The following TINAG variants were observed in gnomAD, a reference collection of about 807,000 sequenced individuals.
TINAG encodes tubulointerstitial nephritis antigen.
A neutral mutation model predicts 72.7 loss-of-function variants in TINAG; 83 were observed. That is an observed-to-expected ratio of 1.14 (90% CI 0.96 to 1.37). The LOEUF is 1.37. Among genes scored for constraint, TINAG ranks in the 40% most tolerant of loss-of-function variants. TINAG has a pLI of 0.00. For missense variants in TINAG, 685 were observed against 576.6 expected (o/e 1.19, Z -1.93); for synonymous variants, 234 against 189.9 (o/e 1.23, Z -1.91).
chr6:54,345,936 A>AG (rs1351479860), intron 5 of TINAG, among the ~76,000 whole-genome samples: 1 of 151,770 alleles, frequency 6.6e-6, no homozygotes, highest in Non-Finnish European at 1.5e-5. Flanking sequence ...AATTTTGATG[A>AG]GAAAAAAAAT....
At chr6:54,331,671 C>G (rs1034237561) in intron 4 of TINAG, among the ~76,000 whole-genome samples, 1 of 152,210 alleles carries the variant, frequency 6.6e-6, no homozygotes, top group Non-Finnish European at 1.5e-5. Flanking sequence ...GTCAAATTGT[C>G]TCTGTTTGCA....
intron 1 of TINAG, among the ~76,000 whole-genome samples, chr6:54,310,076 C>CGTGTGTGTGTGTGTGTGTGTGTGT (rs138971244): frequency 7.8e-6 from 1 of 127,650 alleles, no homozygotes; most frequent in African/African-American, 3.1e-5. Flanking sequence ...CTTTTTTTTC[C>CGTGTGTGTGTGTGTGTGTGTGTGT]GTGTGTGTGT....
At chr6:54,369,434 A>G (rs976331454) in intron 9 of TINAG, among the ~76,000 whole-genome samples, 9 of 151,980 alleles carry the variant, frequency 5.9e-5, no homozygotes, top group Non-Finnish European at 1.3e-4. Flanking sequence ...GCAAGAGCAC[A>G]CATATATATG....
At chr6:54,337,029 A>G (rs1019505323) in intron 4 of TINAG, among the ~76,000 whole-genome samples, 1 of 151,948 alleles carries the variant, frequency 6.6e-6, no homozygotes, top group Non-Finnish European at 1.5e-5. Context: ...ATAATAAAAA[A>G]TCTTTTAAAG....
At chr6:54,315,187 T>G (rs1447386989) in intron 1 of TINAG, among the ~76,000 whole-genome samples, 1 of 152,176 alleles carries the variant, frequency 6.6e-6, no homozygotes, top group Non-Finnish European at 1.5e-5. Context: ...ACATGGGTAT[T>G]GTTCAGTTCC....
At chr6:54,312,152 G>A (rs1399169573) in intron 1 of TINAG, among the ~76,000 whole-genome samples, 4 of 151,614 alleles carry the variant, frequency 2.6e-5, no homozygotes, top group South Asian at 2.1e-4. Flanking sequence ...GACCTTCCCC[G>A]GGCTCAAGTG....
In TINAG at chr6:54,347,488, T is replaced by A; in HGVS notation, c.870T>A (p.Asp290Glu). 6.2e-7 allele frequency: 1 copy of A among 1,613,102 alleles called. No homozygotes were observed. The highest frequency in any genetic ancestry group is 8.5e-7 in the Non-Finnish European group (1 of 1,179,418). Residue 290 changes from aspartate (D) to glutamate (E), a missense_variant, in exon 6 of 11, where the codon GAT becomes GAA. By Grantham distance (45) the Asp-to-Glu change is conservative. Transcript: ENST00000259782. ...ATGGATGCAATAGTGGAAGCATCGA[T>A]AGGGCTTGGTGGTACCTGAGAAAAC... ...NRHGCNSGSI[D>E]RAWWYLRKRG...
At chr6:54,335,142 T>C (rs1323455081) in intron 4 of TINAG, among the ~76,000 whole-genome samples, 1 of 152,180 alleles carries the variant, frequency 6.6e-6, no homozygotes, top group Non-Finnish European at 1.5e-5. Flanking sequence ...AACATATCCT[T>C]TATAAACAAA....
At chr6:54,323,386 C>G (rs1411226159) in intron 3 of TINAG, among the ~76,000 whole-genome samples, 1 of 152,150 alleles carries the variant, frequency 6.6e-6, no homozygotes, top group Non-Finnish European at 1.5e-5. Context: ...GCTATTCTCT[C>G]TTCATTATGC....
At chr6:54,317,384 T>C (rs1479020037) in intron 1 of TINAG, among the ~76,000 whole-genome samples, 1 of 152,154 alleles carries the variant, frequency 6.6e-6, no homozygotes, top group Non-Finnish European at 1.5e-5. Context: ...TGAGAGGGAA[T>C]TGAATCACGG....
intron 9 of TINAG, among the ~76,000 whole-genome samples, chr6:54,368,143 T>A (rs1200675935): frequency 6.6e-6 from 1 of 151,148 alleles, no homozygotes; most frequent in African/African-American, 2.4e-5. Flanking sequence ...TTTGTAATTT[T>A]ATTTCTGATG....
In TINAG at chr6:54,326,911, A is replaced by G; in HGVS notation, c.619A>G (p.Met207Val). The stretch of plus-strand genomic sequence containing the variant: ...TCCCATGCTCCTGAGCATGAATGAA[A>G]TGACAGTAAGTGTTCCTTCTGATTC... ...PSPMLLSMNE[M>V]TASLPATTDL... is the part of the protein sequence containing the mutation. The change falls in exon 4 of 11, where the codon ATG (methionine) becomes GTG (valine). Residue 207 changes from methionine to valine, a missense_variant. Transcript: ENST00000259782. The G allele has an allele frequency of 2.5e-6, 4 of 1,613,156 alleles. No homozygotes were observed. The highest frequency in any genetic ancestry group is 1.3e-5 in the African/African-American group (1 of 74,990).
chr6:54,325,707 A>G (rs552209451), intron 3 of TINAG, among the ~76,000 whole-genome samples: 102 of 152,308 alleles, frequency 6.7e-4, no homozygotes, highest in African/African-American at 2.4e-3. Context: ...ACATAGGGCA[A>G]CAAAAACATA....
chr6:54,374,038 T>C (rs1335672935), intron 9 of TINAG, among the ~76,000 whole-genome samples: 1 of 152,154 alleles, frequency 6.6e-6, no homozygotes, highest in Non-Finnish European at 1.5e-5. Flanking sequence ...CTCTCAGTTC[T>C]ACAGCAGGTC....
At chr6:54,337,415 G>A (rs1024506907) in intron 4 of TINAG, among the ~76,000 whole-genome samples, 1 of 151,912 alleles carries the variant, frequency 6.6e-6, no homozygotes, top group Non-Finnish European at 1.5e-5. Context: ...CACCAAGCCC[G>A]GCTAATCTTC....
At chr6:54,364,188 T>C (rs1763332854) in intron 9 of TINAG, among the ~76,000 whole-genome samples, 1 of 151,452 alleles carries the variant, frequency 6.6e-6, no homozygotes, top group African/African-American at 2.4e-5. Context: ...TCATTAGGCA[T>C]TGGTAATAGT....
At chr6:54,340,086 C>A (rs1784961911) in intron 4 of TINAG, among the ~76,000 whole-genome samples, 1 of 152,100 alleles carries the variant, frequency 6.6e-6, no homozygotes, top group Admixed American at 6.6e-5. Context: ...TTATACAATT[C>A]TCCAGTGTTT....
At chr6:54,355,405 C>A (rs540498729) in intron 9 of TINAG, among the ~76,000 whole-genome samples, 1 of 151,776 alleles carries the variant, frequency 6.6e-6, no homozygotes, top group Non-Finnish European at 1.5e-5. Flanking sequence ...ATTGAGCCTA[C>A]GCAAAACAAC....
chr6:54,332,391 G>A (rs1176906686), intron 4 of TINAG, among the ~76,000 whole-genome samples: 2 of 152,134 alleles, frequency 1.3e-5, no homozygotes, highest in African/African-American at 2.4e-5. Flanking sequence ...TTAATAAATG[G>A]TGCTGGGAAA....
Sources: gnomAD v4.1 joint callset for allele counts (sites outside exome capture counted in the v4.1 genomes callset) on GRCh38, gnomAD v4.1.1 for gene constraint, MANE v1.5 for transcripts, NCBI Gene and HGNC (gene_info 2026-07-23, HGNC 2026-07-21) for gene names.